The following CACNB2 variants were observed in gnomAD, a reference collection of about 807,000 sequenced individuals.
CACNB2 encodes the protein voltage-dependent L-type calcium channel subunit beta-2.
Under a neutral mutation model 73.3 loss-of-function variants are expected in CACNB2, and 42 were observed. The ratio of observed to expected loss-of-function variants is 0.57; its 90% CI spans 0.45 to 0.74. CACNB2 has a LOEUF of 0.74. CACNB2 is among the 30% of genes least tolerant of loss of function. The probability of loss-of-function intolerance (pLI) is 0.00; values close to 1 mark genes in which losing one functional copy is unlikely to be tolerated. For missense variants in CACNB2, 940 were observed against 853.0 expected, an observed-to-expected ratio of 1.10 and a Z score of -1.27; for synonymous variants, 348 against 310.3, an observed-to-expected ratio of 1.12 and a Z score of -1.28.
rs1323675759 is a variant in CACNB2 at position 18,540,364 on chromosome 10, T to C, written c.*640T>C. ...TATATATATCAGTTTGATCACACTATTTTAGAGTCTTAATGCCAAGTCAGC... is the reference window on the plus strand; with the variant it reads ...TATATATATCAGTTTGATCACACTACTTTAGAGTCTTAATGCCAAGTCAGC... On this transcript the variant is annotated 3_prime_UTR_variant, in exon 14 of 14. Coordinates refer to ENST00000324631, the MANE Select transcript of CACNB2 (RefSeq NM_201596.3). 2.6e-5 allele frequency: 4 copies of C among 152,166 alleles called. No individual in the cohort carries two copies. Among genetic ancestry groups the C allele is most frequent in the Non-Finnish European group, 5.9e-5 (4 of 67,972 alleles). The allele number at this position is 152,166 out of a possible 1,614,324, so 9.4% of individuals were successfully genotyped here.
At chr10:18,532,121 T>A (rs1465459952) in intron 10 of CACNB2, among the ~76,000 whole-genome samples, 1 of 152,204 alleles carries the variant, frequency 6.6e-6, no homozygotes, top group Non-Finnish European at 1.5e-5. Context: ...TACTTTGAAG[T>A]CAAAAGTATT....
intron 2 of CACNB2, among the ~76,000 whole-genome samples, chr10:18,312,941 G>GAGGAT (rs1452138164): frequency 6.6e-6 from 1 of 152,136 alleles, no homozygotes; most frequent in Admixed American, 6.5e-5. Flanking sequence ...CTGACCTCTA[G>GAGGAT]AGGATACTCA....
chr10:18,532,656 GAC>G (rs1564663345), intron 10 of CACNB2, among the ~76,000 whole-genome samples: 1 of 119,864 alleles, frequency 8.3e-6, no homozygotes, highest in African/African-American at 3.2e-5. Flanking sequence ...CAGCCTGGGA[GAC>G]AGAGAGAGAC....
intron 3 of CACNB2, among the ~76,000 whole-genome samples, chr10:18,438,183 A>ATTTTTTTTTTTTT (rs372226267): frequency 4.5e-4 from 42 of 93,954 alleles, no homozygotes; most frequent in African/African-American, 7.2e-4. Context: ...ACACCTGGCG[A>ATTTTTTTTTTTTT]TTTTTTTTTT....
At chr10:18,457,084 C>T (rs1345175607) in intron 3 of CACNB2, among the ~76,000 whole-genome samples, 8 of 122,640 alleles carry the variant, frequency 6.5e-5, no homozygotes, top group African/African-American at 2.1e-4. Flanking sequence ...AATACACCTC[C>T]AAGAACTTTG....
chr10:18,354,758 G>A (rs190030195), intron 2 of CACNB2, among the ~76,000 whole-genome samples: 33 of 151,408 alleles, frequency 2.2e-4, no homozygotes, highest in African/African-American at 5.8e-4. Context: ...TAGCTTTTCC[G>A]GTTCTGAAAA....
chr10:18,307,982 A>ATTTTTT (rs1564423318), intron 2 of CACNB2, among the ~76,000 whole-genome samples: 1 of 52,670 alleles, frequency 1.9e-5, no homozygotes, highest in Non-Finnish European at 4.1e-5. Flanking sequence ...ATATATGCCA[A>ATTTTTT]CTTTTTTTTT....
At chr10:18,187,707 C>T (rs796343422) in intron 2 of CACNB2, among the ~76,000 whole-genome samples, 5 of 152,168 alleles carry the variant, frequency 3.3e-5, no homozygotes, top group African/African-American at 1.2e-4. Flanking sequence ...AATGAATTAT[C>T]TTTGTTTCAA....
At chr10:18,399,234 T>C (rs1214800076) in intron 2 of CACNB2, among the ~76,000 whole-genome samples, 1 of 152,192 alleles carries the variant, frequency 6.6e-6, no homozygotes, top group Non-Finnish European at 1.5e-5. Flanking sequence ...ACTGTGCTGC[T>C]ACTACTATAA....
At chr10:18,236,162 A>G (rs1314901782) in intron 2 of CACNB2, among the ~76,000 whole-genome samples, 2 of 152,110 alleles carry the variant, frequency 1.3e-5, no homozygotes, top group Non-Finnish European at 2.9e-5. Context: ...AGAACAGACT[A>G]ATAAACAGGA....
chr10:18,384,795 T>C (rs2132399287), intron 2 of CACNB2, among the ~76,000 whole-genome samples: 1 of 147,036 alleles, frequency 6.8e-6, no homozygotes, highest in South Asian at 2.2e-4. Flanking sequence ...AATATGAACA[T>C]GGTAAAAAAA....
At chr10:18,338,667 T>TC (rs2041100002) in intron 2 of CACNB2, among the ~76,000 whole-genome samples, 1 of 41,986 alleles carries the variant, frequency 2.4e-5, no homozygotes, top group African/African-American at 2.5e-4. Flanking sequence ...CTTTTTCTTT[T>TC]TTTCTCTCTC....
intron 4 of CACNB2, 96 bp from the exon 5 acceptor site, chr10:18,500,716 G>A (rs541524969): frequency 1.6e-6 from 2 of 1,232,070 alleles, no homozygotes; most frequent in Admixed American, 3.4e-5. Flanking sequence ...ATAGTTAATG[G>A]TCATTGCCAT....
chr10:18,212,818 C>T (rs1370440500), intron 2 of CACNB2, among the ~76,000 whole-genome samples: 2 of 152,132 alleles, frequency 1.3e-5, no homozygotes, highest in Admixed American at 1.3e-4. Flanking sequence ...CTGGAATCCC[C>T]CCTTCTGCCC....
chr10:18,514,558 T>G (rs1331590745), intron 7 of CACNB2, 189 bp downstream of exon 7: 1 of 1,612,128 alleles, frequency 6.2e-7, no homozygotes, highest in Non-Finnish European at 8.5e-7. Context: ...TAAGCTGTGT[T>G]TATCCTGCCA....
intron 2 of CACNB2, among the ~76,000 whole-genome samples, chr10:18,222,561 C>G (rs546643214): frequency 6.6e-6 from 1 of 152,052 alleles, no homozygotes; most frequent in Non-Finnish European, 1.5e-5. Flanking sequence ...TAAGTAGTAC[C>G]GATCATTTAG....
intron 2 of CACNB2, among the ~76,000 whole-genome samples, chr10:18,356,874 C>T (rs112113852): frequency 1.3e-5 from 2 of 151,850 alleles, no homozygotes; most frequent in African/African-American, 4.8e-5. Context: ...AAACGATCCT[C>T]CTGCCTCAGC....
At chr10:18,404,230 T>C (rs539811012) in intron 3 of CACNB2, among the ~76,000 whole-genome samples, 13 of 152,296 alleles carry the variant, frequency 8.5e-5, no homozygotes, top group Non-Finnish European at 1.8e-4. Flanking sequence ...AATTTAAATA[T>C]GTCTCAAAAG....
chr10:18,314,483 T>C (rs1589018419), intron 2 of CACNB2, among the ~76,000 whole-genome samples: 1 of 152,114 alleles, frequency 6.6e-6, no homozygotes, highest in East Asian at 1.9e-4. Flanking sequence ...TTTTTTTCTG[T>C]TTTTCCTCCT....
Sources: gnomAD v4.1 joint callset for allele counts (sites outside exome capture counted in the v4.1 genomes callset) on GRCh38, gnomAD v4.1.1 for gene constraint, MANE v1.5 for transcripts, NCBI Gene and HGNC (gene_info 2026-07-23, HGNC 2026-07-21) for gene names.